The following MACROD2 variants were observed in gnomAD, a reference collection of about 807,000 sequenced individuals.
The protein encoded by MACROD2 is ADP-ribose glycohydrolase MACROD2.
In MACROD2, 36 loss-of-function variants were observed where a neutral mutation model predicts 70.4. The observed-to-expected ratio is 0.51, with a 90% CI of 0.39 to 0.68. The LOEUF (loss-of-function observed/expected upper bound fraction) is 0.68, where lower values mean the gene tolerates loss of function less well. Among genes scored for constraint, MACROD2 ranks in the 30% least tolerant of loss-of-function variants. MACROD2 has a pLI of 0.00. For missense variants in MACROD2, 496 were observed against 538.4 expected (o/e 0.92, Z 0.78); for synonymous variants, 172 against 178.8 (o/e 0.96, Z 0.30).
intron 8 of MACROD2, among the ~76,000 whole-genome samples, chr20:15,737,815 A>G (rs1458891605): frequency 6.6e-6 from 1 of 152,154 alleles, no homozygotes; most frequent in African/African-American, 2.4e-5. Context: ...ACCTTGGGGA[A>G]TAGACATATG....
intron 8 of MACROD2, among the ~76,000 whole-genome samples, chr20:15,764,345 G>A (rs1296818825): frequency 6.6e-6 from 1 of 151,576 alleles, no homozygotes; most frequent in South Asian, 2.1e-4. Context: ...ATATTTATTT[G>A]TTCTGTTCAT....
chr20:15,313,224 C>T (rs111610454), intron 6 of MACROD2, among the ~76,000 whole-genome samples: 29 of 151,900 alleles, frequency 1.9e-4, no homozygotes, highest in African/African-American at 4.8e-4. Flanking sequence ...AAATGATATG[C>T]GGCCGTGTGC....
At chr20:13,996,622 T>C (rs1445833263) in intron 1 of MACROD2, among the ~76,000 whole-genome samples, 2 of 152,202 alleles carry the variant, frequency 1.3e-5, no homozygotes, top group African/African-American at 4.8e-5. Flanking sequence ...ACTGATTCTT[T>C]AAGAAACACA....
At chr20:16,029,027 G>A (rs909446968) in intron 15 of MACROD2, among the ~76,000 whole-genome samples, 1 of 152,194 alleles carries the variant, frequency 6.6e-6, no homozygotes, top group African/African-American at 2.4e-5. Flanking sequence ...TCGAGGTGCT[G>A]CTAATTTGGT....
chr20:14,531,033 A>G (rs2085296845), intron 4 of MACROD2, among the ~76,000 whole-genome samples: 1 of 152,228 alleles, frequency 6.6e-6, no homozygotes, highest in Non-Finnish European at 1.5e-5. Context: ...ATACAAAGCA[A>G]TTAGCCAAAA....
chr20:15,676,739 A>G (rs1246065805), intron 8 of MACROD2, among the ~76,000 whole-genome samples: 1 of 152,198 alleles, frequency 6.6e-6, no homozygotes, highest in Non-Finnish European at 1.5e-5. Flanking sequence ...GTTTTGGCTT[A>G]TGTTCAGTAT....
intron 3 of MACROD2, among the ~76,000 whole-genome samples, chr20:14,094,557 TCA>T (rs1456379768): frequency 7.9e-5 from 12 of 152,192 alleles, no homozygotes; most frequent in African/African-American, 2.9e-4. Context: ...GTTGACTACT[TCA>T]TCCTTGAATG....
chr20:14,552,611 C>T (rs1978734134), intron 4 of MACROD2, among the ~76,000 whole-genome samples: 1 of 151,850 alleles, frequency 6.6e-6, no homozygotes, highest in African/African-American at 2.4e-5. Context: ...ATAGAGTGAA[C>T]CGACAAAAGC....
chr20:14,962,624 AAAG>A (rs2074594736), intron 5 of MACROD2, among the ~76,000 whole-genome samples: 1 of 151,506 alleles, frequency 6.6e-6, no homozygotes, highest in Non-Finnish European at 1.5e-5. Context: ...AAGTCTGTAA[AAAG>A]AATACCTCCT....
rs551540997 is a variant in MACROD2, at chr20:15,374,432, C to A, written c.541-56973C>A. 3.6e-4 allele frequency among the ~76,000 whole-genome samples: 54 copies of A among 152,094 alleles called. 1 individual carries two copies. The Middle Eastern group carries it at 0.01, about 29-fold the overall frequency. On this transcript the variant is annotated intron_variant, in intron 6 of 17. Transcript: ENST00000684519. ...TCTTATGGTCGCCAAATTCTCTTTT[C>A]TATTTTTCAACTACACCAAGCCCAC...
intron 3 of MACROD2, among the ~76,000 whole-genome samples, chr20:14,126,048 T>C (rs1349776971): frequency 6.6e-6 from 1 of 152,166 alleles, no homozygotes; most frequent in Non-Finnish European, 1.5e-5. Context: ...GAGTGTTACG[T>C]GAAGCAAATG....
intron 6 of MACROD2, among the ~76,000 whole-genome samples, chr20:15,425,649 C>A (rs915362733): frequency 6.6e-6 from 1 of 152,132 alleles, no homozygotes; most frequent in Middle Eastern, 3.2e-3. Context: ...CAATGGTGGT[C>A]AATAAACTCT....
At chr20:14,513,667 A>C (rs1398299594) in intron 4 of MACROD2, among the ~76,000 whole-genome samples, 1 of 152,132 alleles carries the variant, frequency 6.6e-6, no homozygotes, top group Non-Finnish European at 1.5e-5. Flanking sequence ...GAATACATAA[A>C]AAAACTCACT....
intron 6 of MACROD2, among the ~76,000 whole-genome samples, chr20:15,323,017 C>A (rs748802904): frequency 1.7e-5 from 2 of 116,344 alleles, no homozygotes; most frequent in African/African-American, 5.6e-5. Context: ...TCTCTAATGA[C>A]CTCAACTATG....
intron 15 of MACROD2, among the ~76,000 whole-genome samples, chr20:16,011,864 C>G (rs1231096865): frequency 6.6e-6 from 1 of 152,194 alleles, no homozygotes; most frequent in Non-Finnish European, 1.5e-5. Flanking sequence ...ATGATCAAGG[C>G]TCCACATCTC....
Position 15,206,721 on chromosome 20 carries a change from G to GTTTTTT in MACROD2, c.419-23198_419-23193dup, listed in dbSNP as rs56752104. Among the ~76,000 whole-genome samples, 112 of 33,000 alleles carry GTTTTTT rather than the reference G, an allele frequency of 3.4e-3. 32 individuals carry two copies. The highest frequency in any genetic ancestry group is 5.3e-3 in the Non-Finnish European group (104 of 19,670). The allele number at this position is 33,000 out of a possible 152,430, so 21.6% of individuals were successfully genotyped here. On this transcript the variant is annotated intron_variant, in intron 5 of 17. Coordinates refer to ENST00000684519, the MANE Select transcript of MACROD2 (RefSeq NM_001351661.2). The stretch of plus-strand genomic sequence containing the variant: ...GCATGAAGTCTTTCATATTATCTAT[G>GTTTTTT]TTTTTTTTTTTTTTTTTTTTTTTTT...
intron 4 of MACROD2, among the ~76,000 whole-genome samples, chr20:14,557,127 G>C (rs922766581): frequency 6.6e-6 from 1 of 151,924 alleles, no homozygotes; most frequent in Middle Eastern, 3.2e-3. Flanking sequence ...ATGGGAGAAA[G>C]AATAGTGTTT....
chr20:14,648,888 A>G (rs1218891678), intron 4 of MACROD2, among the ~76,000 whole-genome samples: 3 of 152,174 alleles, frequency 2.0e-5, no homozygotes, highest in Admixed American at 2.0e-4. Flanking sequence ...TGTTATTCTT[A>G]GTGATTTAAG....
Position 15,013,128 on chromosome 20 carries a change from C to G in MACROD2, c.419-216812C>G, listed in dbSNP as rs78307721. On this transcript the variant is annotated intron_variant, in intron 5 of 17. Coordinates refer to ENST00000684519, the MANE Select transcript of MACROD2 (RefSeq NM_001351661.2). ...GCTGAGTAGAACCCCTCTTTCTCCT[C>G]GAGTATTTCTCCCAGGCCTGGCCAG... Among the ~76,000 whole-genome samples the G allele has an allele frequency of 3.0e-3, 464 of 152,272 alleles. 4 individuals carry two copies. Among genetic ancestry groups the G allele is most frequent in the African/African-American group, 0.011 (440 of 41,558 alleles).
Sources: allele counts gnomAD v4.1 joint callset (sites outside exome capture counted in the v4.1 genomes callset), GRCh38; gene constraint gnomAD v4.1.1; transcripts MANE v1.5; gene names NCBI Gene and HGNC (gene_info 2026-07-23, HGNC 2026-07-21).